The following REPS1 variants were observed in gnomAD, a reference collection of about 807,000 sequenced individuals.
REPS1 encodes the protein ralBP1-associated Eps domain-containing protein 1.
In REPS1, 39 loss-of-function variants were observed where a neutral mutation model predicts 100.9. The observed-to-expected ratio is 0.39, with a 90% CI of 0.30 to 0.50. The LOEUF (loss-of-function observed/expected upper bound fraction) is 0.50, where lower values mean the gene tolerates loss of function less well. Among genes scored for constraint, REPS1 ranks in the 20% least tolerant of loss-of-function variants. REPS1 has a pLI of 0.86. For missense variants in REPS1, 821 were observed against 968.5 expected (o/e 0.85, Z 2.02); for synonymous variants, 324 against 340.3 (o/e 0.95, Z 0.53).
At chr6:138,950,985 C>G (rs1582810470) in intron 1 of REPS1, 1 of 152,116 alleles carries the variant, frequency 6.6e-6, no homozygotes, top group Admixed American at 6.6e-5. Flanking sequence ...GTCAGGAGTT[C>G]GAGGCCGGCC....
intron 8 of REPS1, among the ~76,000 whole-genome samples, chr6:138,935,875 G>GGGGGGGGGGGGGGGGGGGGGGA (rs1781797008): frequency 8.0e-6 from 1 of 124,318 alleles, no homozygotes; most frequent in Non-Finnish European, 1.7e-5. Context: ...GGGGCGCGGG[G>GGGGGGGGGGGGGGGGGGGGGGA]GAGTGGTGGC....
rs564185893 is a variant in REPS1 at position 138,921,326 on chromosome 6, T to C, written c.1339-202A>G. 2.0e-5 allele frequency among the ~76,000 whole-genome samples: 3 copies of C among 151,488 alleles called. No individual in the cohort carries two copies. The East Asian group carries it at 5.8e-4, about 29-fold the overall frequency. On this transcript the variant is annotated intron_variant, in intron 10 of 19. Coordinates refer to ENST00000450536, the MANE Select transcript of REPS1 (RefSeq NM_001286611.2). ...CTCACTATATATGCCTAGTATCTGC[T>C]TAATTAAAAAAAAAAAACATTTTAA...
intron 1 of REPS1, among the ~76,000 whole-genome samples, chr6:138,980,680 T>TGG (rs1784895558): frequency 1.0e-3 from 1 of 978 alleles, no homozygotes. Context: ...TTTTTGTGGG[T>TGG]GGGGCGGGGG....
At chr6:138,950,124 T>C (rs1319541389) in intron 1 of REPS1, among the ~76,000 whole-genome samples, 1 of 152,170 alleles carries the variant, frequency 6.6e-6, no homozygotes, top group Non-Finnish European at 1.5e-5. Flanking sequence ...CTGACCAAAC[T>C]GGAATTTATT....
At chr6:138,953,864 T>C (rs1266672151) in intron 1 of REPS1, among the ~76,000 whole-genome samples, 1 of 152,096 alleles carries the variant, frequency 6.6e-6, no homozygotes, top group Non-Finnish European at 1.5e-5. Context: ...GGAAAGGAAA[T>C]TATTATATCA....
chr6:138,967,038 GC>G (rs1784064235), intron 1 of REPS1, among the ~76,000 whole-genome samples: 1 of 152,204 alleles, frequency 6.6e-6, no homozygotes, highest in African/African-American at 2.4e-5. Flanking sequence ...CAAGGGCCCT[GC>G]CTTCGTGAAT....
chr6:138,969,613 T>C (rs1016179624), intron 1 of REPS1, among the ~76,000 whole-genome samples: 2 of 151,944 alleles, frequency 1.3e-5, no homozygotes, highest in African/African-American at 4.8e-5. Flanking sequence ...AGCATCAAAA[T>C]GGTTGGCAAC....
intron 12 of REPS1, among the ~76,000 whole-genome samples, chr6:138,919,843 T>C (rs1189619539): frequency 6.7e-6 from 1 of 149,278 alleles, no homozygotes; most frequent in Non-Finnish European, 1.5e-5. Context: ...ATGTAAACTC[T>C]ATAGCAGCAA....
rs111610201 is a variant in REPS1 at position 138,905,494 on chromosome 6, T to G, written c.2323-362A>C. Among the ~76,000 whole-genome samples the G allele has an allele frequency of 6.8e-5, 10 of 147,416 alleles. 1 individual carries two copies. The East Asian group carries it at 2.0e-3, about 29-fold the overall frequency. On this transcript the variant is annotated intron_variant, in intron 19 of 19. Transcript: ENST00000450536. ...TTTTAGTAGAGACGGGGTTTCACCT[T>G]GTTAGCCAGGATGGTCTCGATCTCC...
rs1225840575 is a variant in REPS1 at position 138,914,719 on chromosome 6, G to A, written c.1763C>T (p.Pro588Leu). 2 of 1,613,380 alleles carry A rather than the reference G, an allele frequency of 1.2e-6. No homozygotes were observed. ...TACCTGTGAGGGCTGTGGTCTTGGA[G>A]GCACTGCAGGAGGATGGGCAACAAC... The part of the protein sequence containing the change: ...AGVVAHPPAV[P>L]PRPQPSQAPG... Residue 588 changes from proline (P) to leucine (L), a missense_variant, in exon 15 of 20, where the codon CCT (proline) becomes CTT (leucine). Around this residue, in one of 3 missense-constraint regions of REPS1, gnomAD observed 757 missense variants for 866.4 expected, o/e 0.87. Coordinates refer to ENST00000450536, the MANE Select transcript of REPS1 (RefSeq NM_001286611.2).
chr6:138,939,617 T>C (rs1294729093), intron 8 of REPS1, among the ~76,000 whole-genome samples: 1 of 152,194 alleles, frequency 6.6e-6, no homozygotes, highest in Non-Finnish European at 1.5e-5. Context: ...TTTCTTGTAT[T>C]ATTGTGCTGT....
At chr6:138,911,824 T>C (rs1780032220) in intron 16 of REPS1, among the ~76,000 whole-genome samples, 1 of 138,220 alleles carries the variant, frequency 7.2e-6, no homozygotes, top group African/African-American at 2.8e-5. Flanking sequence ...GATGCAGCTA[T>C]GTAATAGATG....
chr6:138,963,638 C>T (rs1439503574), intron 1 of REPS1, among the ~76,000 whole-genome samples: 6 of 152,136 alleles, frequency 3.9e-5, no homozygotes, highest in Non-Finnish European at 7.4e-5. Context: ...TCCATGCACA[C>T]CTTTACATCA....
At chr6:138,908,361 C>T (rs1441367793) in intron 18 of REPS1, among the ~76,000 whole-genome samples, 1 of 152,128 alleles carries the variant, frequency 6.6e-6, no homozygotes, top group East Asian at 1.9e-4. Context: ...GTGGTGCCAC[C>T]TCGGCTCACT....
intron 10 of REPS1, among the ~76,000 whole-genome samples, chr6:138,923,054 T>C (rs1377882525): frequency 6.6e-6 from 1 of 152,158 alleles, no homozygotes; most frequent in Non-Finnish European, 1.5e-5. Context: ...ACTTAACCAA[T>C]CAACCTAACA....
At chr6:138,987,342 G>T (rs1785325564) in intron 1 of REPS1, among the ~76,000 whole-genome samples, 188 bp downstream of exon 1, 1 of 152,120 alleles carries the variant, frequency 6.6e-6, no homozygotes, top group African/African-American at 2.4e-5. Flanking sequence ...TCCTCTAAGG[G>T]CAACCCCCTC....
intron 1 of REPS1, among the ~76,000 whole-genome samples, chr6:138,948,798 T>C (rs1057495957): frequency 2.0e-5 from 3 of 152,204 alleles, no homozygotes; most frequent in Non-Finnish European, 4.4e-5. Context: ...GTATCTGAGA[T>C]GCTGTGGTAT....
intron 16 of REPS1, among the ~76,000 whole-genome samples, chr6:138,912,205 G>A (rs1156974605): frequency 1.3e-5 from 2 of 152,164 alleles, no homozygotes; most frequent in African/African-American, 4.8e-5. Flanking sequence ...TTCCTAGAGA[G>A]GTTCTTGCCA....
intron 8 of REPS1, among the ~76,000 whole-genome samples, chr6:138,931,141 G>A (rs1781461680): frequency 6.6e-6 from 1 of 152,124 alleles, no homozygotes; most frequent in African/African-American, 2.4e-5. Flanking sequence ...GAATGAAACA[G>A]CACCTGAGTT....
Sources: allele counts gnomAD v4.1 joint callset (sites outside exome capture counted in the v4.1 genomes callset), GRCh38; gene constraint gnomAD v4.1.1; regional missense constraint gnomAD v4.1.1; transcripts MANE v1.5; gene names NCBI Gene and HGNC (gene_info 2026-07-23, HGNC 2026-07-21).